Variants in KLHL29 observed in about 807,000 individuals in gnomAD.
The protein encoded by KLHL29 is kelch-like protein 29.
KLHL29 carries 21 observed loss-of-function variants against 80.4 expected under a neutral mutation model. The observed-to-expected ratio is 0.26, with a 90% CI of 0.19 to 0.38. The LOEUF (loss-of-function observed/expected upper bound fraction) is 0.38, where lower values mean the gene tolerates loss of function less well. Among genes scored for constraint, KLHL29 ranks in the 10% least tolerant of loss-of-function variants. KLHL29 has a pLI of 1.00. For synonymous variants in KLHL29, 511 were observed against 526.8 expected, an observed-to-expected ratio of 0.97 and a Z score of 0.41; for missense variants, 867 against 1,223.9, an observed-to-expected ratio of 0.71 and a Z score of 4.35.
intron 1 of KLHL29, among the ~76,000 whole-genome samples, chr2:23,452,747 C>T (rs181837399): frequency 7.5e-4 from 114 of 152,312 alleles, no homozygotes; most frequent in African/African-American, 2.6e-3. Context: ...GACACCAACA[C>T]ATTTAGAAAG....
chr2:23,504,509 C>G (rs1665540340), intron 2 of KLHL29, among the ~76,000 whole-genome samples: 1 of 152,074 alleles, frequency 6.6e-6, no homozygotes, highest in Admixed American at 6.5e-5. Flanking sequence ...CGGGGCCTCC[C>G]TAGGGTTTCC....
intron 7 of KLHL29, 149 bp from the exon 8 acceptor site, chr2:23,693,120 C>T: frequency 1.1e-6 from 1 of 935,018 alleles, no homozygotes; most frequent in Non-Finnish European, 1.5e-6. Context: ...TCCAGACACC[C>T]AGGAAGGGGG....
intron 3 of KLHL29, among the ~76,000 whole-genome samples, chr2:23,605,727 C>T (rs971053185): frequency 6.6e-6 from 1 of 151,890 alleles, no homozygotes; most frequent in Non-Finnish European, 1.5e-5. Flanking sequence ...TTCTCAGGTG[C>T]TTAGCACACG....
At chr2:23,663,866 G>A (rs1670485561) in intron 5 of KLHL29, among the ~76,000 whole-genome samples, 1 of 152,170 alleles carries the variant, frequency 6.6e-6, no homozygotes. Context: ...AAAATCAAAC[G>A]GACACATCGC....
At chr2:23,399,572 ATTATT>A (rs1422150317) in intron 1 of KLHL29, among the ~76,000 whole-genome samples, 1 of 152,282 alleles carries the variant, frequency 6.6e-6, no homozygotes, top group African/African-American at 2.4e-5. Context: ...TTTATTTATT[ATTATT>A]TTATTTGAGG....
chr2:23,609,258 C>T (rs755365763), intron 3 of KLHL29, among the ~76,000 whole-genome samples: 4 of 152,136 alleles, frequency 2.6e-5, no homozygotes, highest in African/African-American at 7.2e-5. Flanking sequence ...CCTGCAGTGG[C>T]AGGGCACTGT....
rs1229378239 is a variant in KLHL29 at position 23,558,576 on chromosome 2, A to AT, written c.-45-3569dup. 2.0e-5 allele frequency among the ~76,000 whole-genome samples: 3 copies of AT among 151,834 alleles called. No individual in the cohort carries two copies. The South Asian group carries it at 6.2e-4, about 32-fold the overall frequency. ...ACCACCATGCCTGGCTAATTTTCGT[A>AT]TTTTTTTGGTAGAAATGGGGTTTCA... is the stretch of plus-strand genomic sequence containing the variant. On this transcript the variant is annotated intron_variant, in intron 2 of 13. Transcript: ENST00000486442.
intron 2 of KLHL29, among the ~76,000 whole-genome samples, chr2:23,556,011 A>G (rs543855466): frequency 6.6e-6 from 1 of 152,226 alleles, no homozygotes; most frequent in Non-Finnish European, 1.5e-5. Flanking sequence ...AGCAGGATCA[A>G]TGACCGAACA....
chr2:23,613,368 A>G (rs964812486), intron 3 of KLHL29, among the ~76,000 whole-genome samples: 9 of 152,258 alleles, frequency 5.9e-5, no homozygotes, highest in Non-Finnish European at 1.3e-4. Flanking sequence ...GGGTAGAGGA[A>G]GGCAAAAAGA....
chr2:23,578,143 G>C (rs994917590), intron 3 of KLHL29, among the ~76,000 whole-genome samples: 1 of 152,226 alleles, frequency 6.6e-6, no homozygotes, highest in Non-Finnish European at 1.5e-5. Flanking sequence ...AAGCTGTTGT[G>C]ATTTGAGAGG....
intron 1 of KLHL29, among the ~76,000 whole-genome samples, chr2:23,462,858 G>T (rs1664252602): frequency 1.3e-5 from 2 of 152,112 alleles, no homozygotes; most frequent in African/African-American, 4.8e-5. Flanking sequence ...ATGCTAACCG[G>T]GCATGGTGGC....
chr2:23,692,770 A>T (rs945607964), intron 7 of KLHL29, among the ~76,000 whole-genome samples: 3 of 152,094 alleles, frequency 2.0e-5, no homozygotes, highest in African/African-American at 7.2e-5. Context: ...AGCTGGCCAG[A>T]TGGACCCCAG....
chr2:23,611,778 T>C (rs1442011374), intron 3 of KLHL29, among the ~76,000 whole-genome samples: 2 of 152,162 alleles, frequency 1.3e-5, no homozygotes, highest in East Asian at 3.9e-4. Context: ...AAAATTGGAA[T>C]TTTCAGCAGA....
intron 1 of KLHL29, among the ~76,000 whole-genome samples, chr2:23,387,874 G>A (rs1171801688): frequency 6.6e-6 from 1 of 152,050 alleles, no homozygotes; most frequent in Non-Finnish European, 1.5e-5. Context: ...TGGTTTATGG[G>A]CTGATGCATC....
chr2:23,391,118 T>G (rs1666313184), intron 1 of KLHL29, among the ~76,000 whole-genome samples: 1 of 152,212 alleles, frequency 6.6e-6, no homozygotes, highest in Non-Finnish European at 1.5e-5. Context: ...TTCAACTACC[T>G]TAGATCCCTC....
In KLHL29 at chr2:23,696,620, G is replaced by A. The variant is rs1178798166; in HGVS notation, c.2105+107G>A. ...ACCCACTCAGTGGCGATGGAGCAGA[G>A]CCTGGACCATTCATATGGGCAGTCA... On this transcript the variant is annotated intron_variant, in intron 11 of 13. Coordinates refer to ENST00000486442, the MANE Select transcript of KLHL29 (RefSeq NM_052920.2). The surrounding 1 kb of genome is among the most constrained non-coding windows in gnomAD (Gnocchi z 5.5). 4 of 885,554 alleles carry A rather than the reference G, an allele frequency of 4.5e-6. No individual in the cohort carries two copies. The highest frequency in any genetic ancestry group is 6.0e-5 in the Admixed American group (2 of 33,298). 54.9% of individuals were successfully genotyped at this position (885,554 alleles called of 1,614,324 possible).
chr2:23,465,856 A>G (rs73921828), intron 1 of KLHL29, among the ~76,000 whole-genome samples: 3,892 of 152,046 alleles, frequency 0.026, 170 homozygotes, highest in African/African-American at 0.086. Context: ...CTTCAGTCCC[A>G]CTAGCTTAGT....
At chr2:23,474,940 A>G (rs1664591644) in intron 1 of KLHL29, among the ~76,000 whole-genome samples, 1 of 152,062 alleles carries the variant, frequency 6.6e-6, no homozygotes, top group Non-Finnish European at 1.5e-5. Flanking sequence ...ATTTAAAAGA[A>G]GGAACCAGGA....
chr2:23,480,223 A>G (rs112668167), intron 2 of KLHL29, among the ~76,000 whole-genome samples: 198 of 152,346 alleles, frequency 1.3e-3, no homozygotes, highest in Non-Finnish European at 2.1e-3. Flanking sequence ...GTGGTGGCTC[A>G]CGCCTGTAAT....
Sources: gnomAD v4.1 joint callset for allele counts (sites outside exome capture counted in the v4.1 genomes callset) on GRCh38, gnomAD v4.1.1 for gene constraint, Gnocchi (gnomAD v3.1) non-coding constraint, MANE v1.5 for transcripts, NCBI Gene and HGNC (gene_info 2026-07-23, HGNC 2026-07-21) for gene names.